The following ETV5 variants were observed in gnomAD, a reference collection of about 807,000 sequenced individuals.
ETV5 encodes the protein ETS variant transcription factor 5.
In ETV5, 10 loss-of-function variants were observed where a neutral mutation model predicts 70.0. The observed-to-expected ratio is 0.14, with a 90% CI of 0.09 to 0.24. The LOEUF (loss-of-function observed/expected upper bound fraction) is 0.24. Ranked by LOEUF, ETV5 falls within the 10% of genes least tolerant of loss-of-function variation. ETV5 has a pLI of 1.00. For synonymous variants in ETV5, 216 were observed against 242.2 expected, an observed-to-expected ratio of 0.89 and a Z score of 1.01; for missense variants, 453 against 651.2, an observed-to-expected ratio of 0.70 and a Z score of 3.31.
intron 7 of ETV5, among the ~76,000 whole-genome samples, chr3:186,067,242 G>A (rs747594752): frequency 5.3e-5 from 8 of 152,206 alleles, no homozygotes; most frequent in Non-Finnish European, 1.0e-4. Flanking sequence ...AGACCATCCT[G>A]GCCAACATGG....
intron 5 of ETV5, among the ~76,000 whole-genome samples, chr3:186,092,750 A>G (rs1714212075): frequency 6.6e-6 from 1 of 152,166 alleles, no homozygotes; most frequent in Non-Finnish European, 1.5e-5. Flanking sequence ...CTGGGTTTTA[A>G]AATAGATGAC....
intron 5 of ETV5, among the ~76,000 whole-genome samples, chr3:186,104,350 A>C (rs1714537225): frequency 6.6e-6 from 1 of 152,146 alleles, no homozygotes; most frequent in Non-Finnish European, 1.5e-5. Flanking sequence ...CCATCTTTTG[A>C]GCTTCCCACT....
intron 9 of ETV5, 123 bp downstream of exon 9, chr3:186,064,294 C>T (rs1210207595): frequency 5.6e-6 from 5 of 891,550 alleles, no homozygotes; most frequent in African/African-American, 1.7e-5. Flanking sequence ...CAATTTTAAG[C>T]TTGGGTATTA....
chr3:186,074,184 A>G (rs1422379130), intron 7 of ETV5, among the ~76,000 whole-genome samples: 3 of 152,154 alleles, frequency 2.0e-5, no homozygotes, highest in Non-Finnish European at 4.4e-5. Flanking sequence ...GATTTTAGAA[A>G]GGGCACCATG....
At chr3:186,073,148 A>G (rs1321898119) in intron 7 of ETV5, among the ~76,000 whole-genome samples, 1 of 152,202 alleles carries the variant, frequency 6.6e-6, no homozygotes, top group Non-Finnish European at 1.5e-5. Flanking sequence ...AAACAAAACA[A>G]AACAAAAAAT....
At chr3:186,059,478 C>A (rs961700766) in intron 9 of ETV5, among the ~76,000 whole-genome samples, 1 of 152,070 alleles carries the variant, frequency 6.6e-6, no homozygotes, top group Admixed American at 6.5e-5. Flanking sequence ...GTCAGCTGTG[C>A]GATCTTGAAT....
intron 1 of ETV5, chr3:186,108,704 G>A (rs891315580): frequency 1.7e-5 from 19 of 1,128,064 alleles, no homozygotes; most frequent in Non-Finnish European, 2.1e-5. Context: ...CGTGTGGAAA[G>A]CCGCTCTCCC....
At chr3:186,104,431 G>C (rs1273448287) in intron 5 of ETV5, among the ~76,000 whole-genome samples, 1 of 152,126 alleles carries the variant, frequency 6.6e-6, no homozygotes, top group Non-Finnish European at 1.5e-5. Context: ...GAAGAGAAAA[G>C]CCACAGCAAC....
At position 186,057,524 on chromosome 3, in the gene ETV5, C is replaced by T. The variant is rs758067529; in HGVS notation, c.971-33G>A. 30 of 1,555,994 alleles carry T rather than the reference C, an allele frequency of 1.9e-5. 1 individual carries two copies. The Admixed American group carries it at 3.8e-4, about 20-fold the overall frequency. On this transcript the variant is annotated intron_variant, in intron 9 of 12. Transcript: ENST00000306376. This position sits in a 1 kb window ranked among gnomAD's most constrained non-coding sequence, Gnocchi z 4.9. ...AGAATTTAAAAGAAAGACTACGTTG[C>T]TTAACAAATTCTGTGTTGTACTAAA...
At chr3:186,056,777 T>C (rs970680264) in intron 11 of ETV5, among the ~76,000 whole-genome samples, 19 of 152,240 alleles carry the variant, frequency 1.2e-4, no homozygotes, top group Non-Finnish European at 2.9e-5. Flanking sequence ...TGAAAAAGAC[T>C]TTCCAAGAGG....
At position 186,048,461 on chromosome 3, in the gene ETV5, C is replaced by T; in HGVS notation, c.*178G>A. 3 of 614,028 alleles carry T rather than the reference C, an allele frequency of 4.9e-6. No individual in the cohort carries two copies. Among genetic ancestry groups the T allele is most frequent in the East Asian group, 5.6e-5 (2 of 35,818 alleles). 38.0% of individuals were successfully genotyped at this position (614,028 alleles called of 1,614,324 possible). A position where few individuals can be genotyped will look rare whatever the true frequency, so the allele number is the denominator to read the frequency against. On this transcript the variant is annotated 3_prime_UTR_variant, in exon 13 of 13. Coordinates refer to ENST00000306376, the MANE Select transcript of ETV5 (RefSeq NM_004454.3). ...GGTTTTCTGCCCCTCCCTGTTCCCACTCCCCAGCCAATGTATCTGTCTTTA... is the reference window on the plus strand; with the variant it reads ...GGTTTTCTGCCCCTCCCTGTTCCCATTCCCCAGCCAATGTATCTGTCTTTA...
intron 5 of ETV5, among the ~76,000 whole-genome samples, chr3:186,083,220 C>T (rs1713973584): frequency 6.6e-6 from 1 of 152,208 alleles, no homozygotes; most frequent in African/African-American, 2.4e-5. Flanking sequence ...TCTCACCAGT[C>T]TTCTGCTATA....
chr3:186,051,735 G>A (rs1713037554), intron 12 of ETV5, among the ~76,000 whole-genome samples: 1 of 152,182 alleles, frequency 6.6e-6, no homozygotes, highest in Non-Finnish European at 1.5e-5. Flanking sequence ...GTTGGCCTAA[G>A]TTTCTGGAAA....
At chr3:186,063,164 G>C (rs995770422) in intron 9 of ETV5, among the ~76,000 whole-genome samples, 3 of 152,134 alleles carry the variant, frequency 2.0e-5, no homozygotes, top group Non-Finnish European at 4.4e-5. Flanking sequence ...CAGCTACTTG[G>C]GAGGCTGAGG....
intron 7 of ETV5, among the ~76,000 whole-genome samples, chr3:186,076,087 C>T (rs1440486880): frequency 6.6e-6 from 1 of 152,150 alleles, no homozygotes; most frequent in East Asian, 1.9e-4. Context: ...AAGGAAAAAA[C>T]ATTTTTTCAG....
intron 7 of ETV5, among the ~76,000 whole-genome samples, chr3:186,071,134 G>T (rs533253032): frequency 1.3e-5 from 2 of 152,166 alleles, no homozygotes; most frequent in East Asian, 3.9e-4. Flanking sequence ...ACCGTTAGAT[G>T]CTTTTTCTGC....
At position 186,080,052 on chromosome 3, in the gene ETV5, T is replaced by C; in HGVS notation, c.415A>G (p.Thr139Ala). ...TTCTGATGGGTGGGTGAGAGGGGGG[T>C]TGTAGGAGGGGTTAATGGCTTGAAC... Reference protein sequence around the residue: ...SGFKPLTPPTTPLSPTHQNPL... With the variant: ...SGFKPLTPPTAPLSPTHQNPL... Residue 139 changes from threonine (T) to alanine (A), a missense_variant, in exon 7 of 13, where the codon ACC becomes GCC. Thr to Ala is a moderately conservative substitution (Grantham distance 58). Transcript: ENST00000306376. The C allele has an allele frequency of 6.6e-7, 1 of 1,524,568 alleles. No individual in the cohort carries two copies. Among genetic ancestry groups the C allele is most frequent in the Non-Finnish European group, 8.7e-7 (1 of 1,145,180 alleles). The allele number at this position is 1,524,568 out of a possible 1,614,324, so 94.4% of individuals were successfully genotyped here. A position where few individuals can be genotyped will look rare whatever the true frequency, so the allele number is the denominator to read the frequency against.
intron 7 of ETV5, among the ~76,000 whole-genome samples, chr3:186,069,875 C>A (rs142501784): frequency 1.9e-3 from 282 of 152,298 alleles, no homozygotes; most frequent in African/African-American, 5.6e-3. Flanking sequence ...GGCACAATCT[C>A]GGCTCACTGC....
chr3:186,070,801 C>G (rs371736275), intron 7 of ETV5, among the ~76,000 whole-genome samples: 47 of 152,304 alleles, frequency 3.1e-4, no homozygotes, highest in African/African-American at 1.1e-3. Context: ...AACAAAGATG[C>G]CTCTAATTTA....
Sources: allele counts gnomAD v4.1 joint callset (sites outside exome capture counted in the v4.1 genomes callset), GRCh38; gene constraint gnomAD v4.1.1; non-coding constraint Gnocchi (gnomAD v3.1); transcripts MANE v1.5; gene names NCBI Gene and HGNC (gene_info 2026-07-23, HGNC 2026-07-21).